Variants in GSTCD observed in about 807,000 individuals in gnomAD.
The protein encoded by GSTCD is glutathione S-transferase C-terminal domain-containing protein.
Under a neutral mutation model 68.3 loss-of-function variants are expected in GSTCD, and 44 were observed. The ratio of observed to expected loss-of-function variants is 0.64; its 90% CI spans 0.51 to 0.83. GSTCD has a LOEUF of 0.83. Among genes scored for constraint, GSTCD ranks in the 40% least tolerant of loss-of-function variants. GSTCD has a pLI of 0.00. For synonymous variants in GSTCD, 273 were observed against 255.2 expected (o/e 1.07, Z -0.67); for missense variants, 739 against 735.9 (o/e 1.00, Z -0.05).
intron 5 of GSTCD, among the ~76,000 whole-genome samples, chr4:105,765,068 G>A (rs960803563): frequency 6.6e-6 from 1 of 152,028 alleles, no homozygotes; most frequent in African/African-American, 2.4e-5. Context: ...ACATGCACAT[G>A]TACTGTATAA....
At chr4:105,768,733 C>T (rs967807313) in intron 5 of GSTCD, among the ~76,000 whole-genome samples, 2 of 151,486 alleles carry the variant, frequency 1.3e-5, no homozygotes, top group African/African-American at 2.4e-5. Context: ...TAAATGTTAA[C>T]GTGGTTAATT....
chr4:105,766,028 T>C (rs1734593084), intron 5 of GSTCD, among the ~76,000 whole-genome samples: 1 of 152,192 alleles, frequency 6.6e-6, no homozygotes, highest in African/African-American at 2.4e-5. Context: ...TTTACATTAA[T>C]TGGAGATACT....
At chr4:105,744,152 GTC>G (rs1246651948) in intron 5 of GSTCD, among the ~76,000 whole-genome samples, 2 of 152,110 alleles carry the variant, frequency 1.3e-5, no homozygotes, top group East Asian at 1.9e-4. Context: ...TTTATAGAAT[GTC>G]TCTCAATTTG....
chr4:105,802,699 C>T (rs538098596), intron 5 of GSTCD, among the ~76,000 whole-genome samples: 3 of 152,168 alleles, frequency 2.0e-5, no homozygotes, highest in Admixed American at 1.3e-4. Flanking sequence ...TCTTTTTTCT[C>T]TCTGTCCTCT....
intron 1 of GSTCD, among the ~76,000 whole-genome samples, chr4:105,711,348 A>C (rs1732530288): frequency 6.6e-6 from 1 of 152,222 alleles, no homozygotes; most frequent in African/African-American, 2.4e-5. Context: ...TAAGGGTTTC[A>C]CGTTTATATT....
chr4:105,750,494 C>T (rs1733976774), intron 5 of GSTCD, among the ~76,000 whole-genome samples: 1 of 150,420 alleles, frequency 6.6e-6, no homozygotes, highest in Non-Finnish European at 1.5e-5. Flanking sequence ...AGTAACAACA[C>T]TGAATGCTGA....
At chr4:105,732,482 G>A (rs1424820551) in intron 5 of GSTCD, among the ~76,000 whole-genome samples, 2 of 152,102 alleles carry the variant, frequency 1.3e-5, no homozygotes, top group East Asian at 1.9e-4. Context: ...TTTGCATAGA[G>A]GTGTTTATAG....
chr4:105,842,993 C>T (rs915442335), intron 11 of GSTCD, among the ~76,000 whole-genome samples: 2 of 152,174 alleles, frequency 1.3e-5, no homozygotes, highest in Non-Finnish European at 2.9e-5. Flanking sequence ...TAAAATTATT[C>T]AGAGAAACCC....
chr4:105,828,743 C>G (rs762547149), intron 8 of GSTCD, among the ~76,000 whole-genome samples: 9 of 152,108 alleles, frequency 5.9e-5, no homozygotes, highest in Non-Finnish European at 1.2e-4. Flanking sequence ...CCACTTTGCT[C>G]CCACAGAATC....
chr4:105,727,527 A>G (rs1296467847), intron 4 of GSTCD, among the ~76,000 whole-genome samples: 2 of 142,274 alleles, frequency 1.4e-5, no homozygotes, highest in Admixed American at 7.1e-5. Flanking sequence ...TCTGTCTCGG[A>G]AAAAAAAAAA....
chr4:105,758,854 A>C (rs1734292919), intron 5 of GSTCD, among the ~76,000 whole-genome samples: 1 of 152,132 alleles, frequency 6.6e-6, no homozygotes, highest in African/African-American at 2.4e-5. Context: ...TCAATTTTTT[A>C]TAAGTTTTAC....
At chr4:105,769,227 A>ACG (rs1249963113) in intron 5 of GSTCD, among the ~76,000 whole-genome samples, 15 of 62,160 alleles carry the variant, frequency 2.4e-4, no homozygotes, top group African/African-American at 7.5e-4. Flanking sequence ...TATACTATAC[A>ACG]CGCGCGCACA....
At chr4:105,735,532 TA>T (rs1733430984) in intron 5 of GSTCD, among the ~76,000 whole-genome samples, 1 of 152,144 alleles carries the variant, frequency 6.6e-6, no homozygotes. Context: ...AAAAGCACTG[TA>T]TTAGGGTGGG....
At chr4:105,759,833 T>G (rs1185093754) in intron 5 of GSTCD, among the ~76,000 whole-genome samples, 1 of 152,172 alleles carries the variant, frequency 6.6e-6, no homozygotes, top group African/African-American at 2.4e-5. Flanking sequence ...AATTGACTTT[T>G]TTGATTAATA....
intron 5 of GSTCD, among the ~76,000 whole-genome samples, chr4:105,734,919 A>G (rs11737335): frequency 0.054 from 8,177 of 152,128 alleles, 253 homozygotes; most frequent in Middle Eastern, 0.14. Flanking sequence ...TCAGCTGCAG[A>G]TCTGTTGGAG....
intron 5 of GSTCD, among the ~76,000 whole-genome samples, chr4:105,784,127 G>C (rs1735379301): frequency 6.6e-6 from 1 of 152,234 alleles, no homozygotes; most frequent in South Asian, 2.1e-4. Flanking sequence ...ATTTGTGGTA[G>C]TCTGAGACTA....
chr4:105,757,901 A>C (rs967984619), intron 5 of GSTCD, among the ~76,000 whole-genome samples: 3 of 152,166 alleles, frequency 2.0e-5, no homozygotes, highest in East Asian at 3.9e-4. Context: ...GCAGTAAACT[A>C]ATTAGCCAAA....
intron 5 of GSTCD, among the ~76,000 whole-genome samples, chr4:105,788,616 A>T (rs575562890): frequency 4.1e-4 from 62 of 152,162 alleles, no homozygotes; most frequent in Non-Finnish European, 8.4e-4. Context: ...ACTTAAAAAA[A>T]AGTAGTAGTT....
intron 5 of GSTCD, among the ~76,000 whole-genome samples, chr4:105,814,251 C>T (rs1199321251): frequency 6.6e-6 from 1 of 152,174 alleles, no homozygotes; most frequent in Non-Finnish European, 1.5e-5. Flanking sequence ...TCCTGTAGTG[C>T]AAGCTTTCTC....
Sources: gnomAD v4.1 joint callset for allele counts (sites outside exome capture counted in the v4.1 genomes callset) on GRCh38, gnomAD v4.1.1 for gene constraint, MANE v1.5 for transcripts, NCBI Gene and HGNC (gene_info 2026-07-23, HGNC 2026-07-21) for gene names.